The following FOXP1 variants were observed in gnomAD, a reference collection of about 807,000 sequenced individuals.
FOXP1 encodes forkhead box P1.
FOXP1 carries 15 observed loss-of-function variants against 98.2 expected under a neutral mutation model. The observed-to-expected ratio is 0.15, with a 90% CI of 0.10 to 0.24. The LOEUF (loss-of-function observed/expected upper bound fraction) is 0.24, where lower values mean the gene tolerates loss of function less well. FOXP1 is among the 10% of genes least tolerant of loss of function. The pLI, the probability that FOXP1 is intolerant of heterozygous loss-of-function variation, is 1.00. For missense variants in FOXP1, 633 were observed against 848.5 expected, an observed-to-expected ratio of 0.75 and a Z score of 3.15; for synonymous variants, 371 against 314.5, an observed-to-expected ratio of 1.18 and a Z score of -1.90.
intron 2 of FOXP1, chr3:71,572,955 CA>C (rs1045412940): frequency 6.6e-6 from 1 of 152,156 alleles, no homozygotes; most frequent in African/African-American, 2.4e-5. Flanking sequence ...ACTCACAGAA[CA>C]AAATGCTTGA....
intron 2 of FOXP1, chr3:71,580,763 A>C (rs533752449): frequency 7.4e-5 from 73 of 983,280 alleles, no homozygotes; most frequent in South Asian, 1.9e-4. Flanking sequence ...AATATCCTTG[A>C]GGTCTTCTCA....
At chr3:71,397,819 T>C (rs2081644398) in intron 3 of FOXP1, among the ~76,000 whole-genome samples, 1 of 152,198 alleles carries the variant, frequency 6.6e-6, no homozygotes, top group African/African-American at 2.4e-5. Context: ...AAAGTTCCTA[T>C]GTCTAGTATA....
intron 3 of FOXP1, among the ~76,000 whole-genome samples, chr3:71,444,177 C>T (rs1473340634): frequency 6.6e-5 from 10 of 152,212 alleles, no homozygotes; most frequent in African/African-American, 1.7e-4. Flanking sequence ...CACGTGTACT[C>T]GGCCTACTTC....
chr3:71,412,815 A>AT (rs1366001012), intron 3 of FOXP1, among the ~76,000 whole-genome samples: 1 of 152,096 alleles, frequency 6.6e-6, no homozygotes, highest in African/African-American at 2.4e-5. Context: ...TAATGCATAT[A>AT]TTTTTTTAAA....
rs140853457 is a variant in FOXP1, at chr3:71,217,967, C to G, written c.-11-19575G>C. ...GATTGCCAGCTGCCTGAAAGGACTA[C>G]ACTTCATTGTGTCGACATCCTCCCC... is the stretch of plus-strand genomic sequence containing the variant. On this transcript the variant is annotated intron_variant, in intron 5 of 20. Transcript: ENST00000649528. 5.5e-3 allele frequency among the ~76,000 whole-genome samples: 834 copies of G among 152,290 alleles called. 7 individuals are homozygous for G. The highest frequency in any genetic ancestry group is 8.9e-3 in the South Asian group (43 of 4,830).
chr3:71,376,205 C>T (rs2079698226), intron 3 of FOXP1, among the ~76,000 whole-genome samples: 1 of 151,988 alleles, frequency 6.6e-6, no homozygotes, highest in African/African-American at 2.4e-5. Flanking sequence ...TCATGTGATC[C>T]TCACAAACCA....
intron 12 of FOXP1, among the ~76,000 whole-genome samples, chr3:71,007,639 G>A (rs2042971380): frequency 6.6e-6 from 1 of 152,128 alleles, no homozygotes; most frequent in Non-Finnish European, 1.5e-5. Context: ...TTCTTGAAGT[G>A]TTTTCTTAAC....
chr3:71,040,352 C>G (rs977265561), intron 11 of FOXP1: 3 of 152,128 alleles, frequency 2.0e-5, no homozygotes, highest in Non-Finnish European at 4.4e-5. Flanking sequence ...ATGGCATTTA[C>G]TGTCACATAC....
At chr3:71,060,894 A>G (rs780861857) in intron 7 of FOXP1, among the ~76,000 whole-genome samples, 1 of 152,190 alleles carries the variant, frequency 6.6e-6, no homozygotes, top group African/African-American at 2.4e-5. Context: ...ACCGGATTTG[A>G]AAATGAGGCA....
chr3:71,044,787 T>A (rs1264860442), intron 10 of FOXP1, among the ~76,000 whole-genome samples: 1 of 152,156 alleles, frequency 6.6e-6, no homozygotes, highest in African/African-American at 2.4e-5. Context: ...AGATGACAGA[T>A]TACTGTTCAT....
At chr3:71,377,887 CCA>C (rs1297120052) in intron 3 of FOXP1, among the ~76,000 whole-genome samples, 3 of 152,124 alleles carry the variant, frequency 2.0e-5, no homozygotes, top group African/African-American at 4.8e-5. Context: ...CTCAGAATTT[CCA>C]CAGTTTTTGT....
chr3:71,263,976 C>G (rs543039203), intron 5 of FOXP1, among the ~76,000 whole-genome samples: 1 of 151,324 alleles, frequency 6.6e-6, no homozygotes, highest in African/African-American at 2.4e-5. Flanking sequence ...GTCTCGAACT[C>G]TTGGCTTCAA....
intron 3 of FOXP1, among the ~76,000 whole-genome samples, chr3:71,470,110 GA>G (rs2089187129): frequency 6.6e-6 from 1 of 151,636 alleles, no homozygotes; most frequent in Non-Finnish European, 1.5e-5. Context: ...CATAAAAAAG[GA>G]ATTTTGAGTC....
intron 4 of FOXP1, among the ~76,000 whole-genome samples, chr3:71,345,845 T>C (rs1211510167): frequency 1.1e-5 from 1 of 94,220 alleles, no homozygotes; most frequent in East Asian, 3.8e-4. Flanking sequence ...CGATAGGCTA[T>C]AGGTTTGAAA....
At chr3:71,164,454 C>T (rs1375133949) in intron 6 of FOXP1, among the ~76,000 whole-genome samples, 2 of 152,186 alleles carry the variant, frequency 1.3e-5, no homozygotes, top group Non-Finnish European at 2.9e-5. Flanking sequence ...CCGCCTCGGC[C>T]TCGCAAAGTG....
At chr3:71,572,066 A>G (rs2047382188) in intron 2 of FOXP1, 1 of 152,366 alleles carries the variant, frequency 6.6e-6, no homozygotes, top group Admixed American at 6.5e-5. Context: ...ACAAGGATAC[A>G]GAAGTATAAA....
At chr3:71,582,001 G>A (rs1461577436) in intron 1 of FOXP1, 2 of 966,192 alleles carry the variant, frequency 2.1e-6, no homozygotes, top group African/African-American at 1.8e-5. Context: ...ATGGGGATAC[G>A]ATCACGGGCG....
At chr3:71,401,862 G>A (rs1235159816) in intron 3 of FOXP1, among the ~76,000 whole-genome samples, 1 of 152,152 alleles carries the variant, frequency 6.6e-6, no homozygotes, top group Non-Finnish European at 1.5e-5. Context: ...ACAAGACACC[G>A]GGGCCCAGGC....
At chr3:71,525,676 T>C (rs903980944) in intron 2 of FOXP1, among the ~76,000 whole-genome samples, 3 of 152,230 alleles carry the variant, frequency 2.0e-5, no homozygotes, top group Non-Finnish European at 2.9e-5. Context: ...CTGAGGCCTT[T>C]ATATTTATTT....
Sources: gnomAD v4.1 joint callset for allele counts (sites outside exome capture counted in the v4.1 genomes callset) on GRCh38, gnomAD v4.1.1 for gene constraint, MANE v1.5 for transcripts, NCBI Gene and HGNC (gene_info 2026-07-23, HGNC 2026-07-21) for gene names.